Variants in BLTP1 observed in about 807,000 individuals in gnomAD.
BLTP1 encodes fragile site-associated protein.
At chr4:122,198,971 G>C in the BLTP1 span, among the ~76,000 whole-genome samples, 1 of 152,024 alleles carries the variant, frequency 6.6e-6, no homozygotes, top group African/African-American at 2.4e-5. Flanking sequence ...TTACATGAGG[G>C]GAATAGCTGT....
the BLTP1 span, among the ~76,000 whole-genome samples, chr4:122,360,821 A>G: frequency 6.6e-6 from 1 of 152,240 alleles, no homozygotes. Flanking sequence ...TTAAATAATA[A>G]TGTATTTAAA....
the BLTP1 span, chr4:122,254,839 G>A: frequency 7.5e-6 from 12 of 1,606,318 alleles, no homozygotes; most frequent in Non-Finnish European, 1.0e-5. Flanking sequence ...AACACCAGCT[G>A]TTGGTGCATG....
At chr4:122,193,471 T>G in the BLTP1 span, 32 of 189,944 alleles carry the variant, frequency 1.7e-4, no homozygotes, top group Non-Finnish European at 2.7e-4. Flanking sequence ...ATAGTTATAG[T>G]CTATAGTGGT....
chr4:122,358,933 G>A, the BLTP1 span, among the ~76,000 whole-genome samples: 1 of 151,970 alleles, frequency 6.6e-6, no homozygotes, highest in Admixed American at 6.6e-5. Flanking sequence ...TCTTTATAAA[G>A]AGTGAAAAGT....
the BLTP1 span, chr4:122,152,342 CG>C: frequency 1.0e-6 from 1 of 985,584 alleles, no homozygotes; most frequent in Non-Finnish European, 1.2e-6. Flanking sequence ...CAGTGCCGCC[CG>C]GCCTCGGTTG....
chr4:122,250,436 G>A, the BLTP1 span: 1 of 1,613,660 alleles, frequency 6.2e-7, no homozygotes, highest in Non-Finnish European at 8.5e-7. Flanking sequence ...AGAAAGGGGT[G>A]GAGTGCTGAC....
the BLTP1 span, chr4:122,339,128 G>T: frequency 6.9e-7 from 1 of 1,447,050 alleles, no homozygotes; most frequent in Non-Finnish European, 9.4e-7. Flanking sequence ...AAGTTTATTT[G>T]AACATTTCAA....
the BLTP1 span, chr4:122,211,036 TC>T: frequency 1.9e-6 from 3 of 1,609,426 alleles, no homozygotes; most frequent in Non-Finnish European, 2.5e-6. Flanking sequence ...AATGGAACTT[TC>T]TCCAGATTCT....
the BLTP1 span, among the ~76,000 whole-genome samples, chr4:122,186,441 C>T: frequency 1.3e-5 from 2 of 151,774 alleles, no homozygotes; most frequent in Non-Finnish European, 2.9e-5. Context: ...GCACACAAAT[C>T]CTACTTTTCT....
the BLTP1 span, chr4:122,196,546 T>C: frequency 1.9e-6 from 2 of 1,061,434 alleles, no homozygotes; most frequent in Non-Finnish European, 1.4e-6. Flanking sequence ...GCAATGATAA[T>C]AAAAAATTAG....
the BLTP1 span, chr4:122,172,313 A>G: frequency 1.4e-6 from 1 of 726,130 alleles, no homozygotes; most frequent in African/African-American, 1.9e-5. Context: ...ATACTTTTGA[A>G]AAGGATAAGT....
At chr4:122,313,481 A>G in the BLTP1 span, 1 of 431,572 alleles carries the variant, frequency 2.3e-6, no homozygotes. Context: ...TAGCCCTTTC[A>G]TTCCAAAGAT....
At chr4:122,305,692 C>G in the BLTP1 span, 8 of 933,352 alleles carry the variant, frequency 8.6e-6, no homozygotes, top group African/African-American at 1.4e-4. Flanking sequence ...TTACTTCTTG[C>G]ATGGCTATTT....
the BLTP1 span, among the ~76,000 whole-genome samples, chr4:122,172,799 A>G: frequency 6.6e-6 from 1 of 152,188 alleles, no homozygotes; most frequent in African/African-American, 2.4e-5. Flanking sequence ...TTTATTAACT[A>G]AAACAGTACA....
At chr4:122,303,535 G>C in the BLTP1 span, among the ~76,000 whole-genome samples, 2 of 152,194 alleles carry the variant, frequency 1.3e-5, no homozygotes, top group African/African-American at 4.8e-5. Flanking sequence ...TCCTCAGATG[G>C]ATCTGGGCAA....
the BLTP1 span, among the ~76,000 whole-genome samples, chr4:122,165,076 AT>A: frequency 5.4e-3 from 803 of 149,454 alleles, 11 homozygotes; most frequent in African/African-American, 0.018. Flanking sequence ...ATGTTGTCAC[AT>A]TTTTTTTTTA....
chr4:122,185,382 AC>A, the BLTP1 span: 1 of 985,256 alleles, frequency 1.0e-6, no homozygotes, highest in South Asian at 4.7e-5. Flanking sequence ...TGATTGTGGT[AC>A]CTTTCTTCTG....
At chr4:122,250,959 TG>T in the BLTP1 span, 1 of 985,358 alleles carries the variant, frequency 1.0e-6, no homozygotes, top group Non-Finnish European at 1.2e-6. Flanking sequence ...TTTTTGTCAG[TG>T]TTTGCTTATT....
chr4:122,234,700 A>G, the BLTP1 span: 3 of 1,449,450 alleles, frequency 2.1e-6, no homozygotes, highest in African/African-American at 1.4e-5. Flanking sequence ...TTAATTATCT[A>G]TCAAAAAGTT....
Sources: allele counts gnomAD v4.1 joint callset (sites outside exome capture counted in the v4.1 genomes callset), GRCh38; gene constraint gnomAD v4.1.1; transcripts MANE v1.5; gene names NCBI Gene and HGNC (gene_info 2026-07-23, HGNC 2026-07-21).